Variants in GPC6 observed in about 807,000 individuals in gnomAD.
The protein encoded by GPC6 is glypican 6, also known as glypican-6.
A neutral mutation model predicts 55.2 loss-of-function variants in GPC6; 14 were observed. That is an observed-to-expected ratio of 0.25 (90% CI 0.17 to 0.40). The LOEUF (loss-of-function observed/expected upper bound fraction) is 0.40. Ranked by LOEUF, GPC6 falls within the 10% of genes least tolerant of loss-of-function variation. GPC6 has a pLI of 1.00. For synonymous variants in GPC6, 278 were observed against 259.6 expected, an observed-to-expected ratio of 1.07 and a Z score of -0.68; for missense variants, 641 against 708.5, an observed-to-expected ratio of 0.90 and a Z score of 1.08.
At chr13:93,435,798 C>T (rs73552683) in intron 1 of GPC6, among the ~76,000 whole-genome samples, 10 of 152,100 alleles carry the variant, frequency 6.6e-5, no homozygotes, top group East Asian at 1.9e-4. Context: ...GGATCAAATA[C>T]GGAAATTTTC....
chr13:94,374,706 C>T (rs9589981), intron 6 of GPC6, among the ~76,000 whole-genome samples: 6,128 of 148,660 alleles, frequency 0.041, 402 homozygotes, highest in African/African-American at 0.15. Context: ...CTGCACCAAG[C>T]GGACCTAATA....
intron 6 of GPC6, among the ~76,000 whole-genome samples, chr13:94,359,743 G>A (rs899475975): frequency 5.9e-5 from 9 of 152,064 alleles, no homozygotes; most frequent in South Asian, 4.2e-4. Context: ...AGCCCCTGGC[G>A]TTTGATCTTT....
chr13:93,402,620 A>G (rs1314438877), intron 1 of GPC6, among the ~76,000 whole-genome samples: 2 of 152,174 alleles, frequency 1.3e-5, no homozygotes, highest in Non-Finnish European at 2.9e-5. Context: ...GACAGTAGCC[A>G]TATGTGCCTT....
intron 2 of GPC6, among the ~76,000 whole-genome samples, chr13:93,567,751 A>G (rs1876205178): frequency 6.6e-6 from 1 of 152,212 alleles, no homozygotes; most frequent in African/African-American, 2.4e-5. Context: ...GTTAAATTTT[A>G]CCCTATTTAT....
At chr13:94,163,694 T>A (rs1342758033) in intron 4 of GPC6, among the ~76,000 whole-genome samples, 1 of 152,158 alleles carries the variant, frequency 6.6e-6, no homozygotes, top group African/African-American at 2.4e-5. Flanking sequence ...CTCTGCAAGG[T>A]CACTGAAGGG....
chr13:94,036,067 A>C (rs958486600), intron 4 of GPC6, among the ~76,000 whole-genome samples: 5 of 152,036 alleles, frequency 3.3e-5, no homozygotes, highest in African/African-American at 1.2e-4. Flanking sequence ...GACTTATTTT[A>C]GTGGTTAAAT....
At chr13:94,121,005 A>C (rs1189032403) in intron 4 of GPC6, among the ~76,000 whole-genome samples, 1 of 152,138 alleles carries the variant, frequency 6.6e-6, no homozygotes. Flanking sequence ...GGCAAGGCAC[A>C]TTCACAGAGG....
At chr13:93,734,936 A>C (rs1883945069) in intron 2 of GPC6, among the ~76,000 whole-genome samples, 1 of 152,186 alleles carries the variant, frequency 6.6e-6, no homozygotes, top group African/African-American at 2.4e-5. Flanking sequence ...ATTAACTCCA[A>C]TTCAAATTAC....
At chr13:93,273,038 A>G (rs1877591338) in intron 1 of GPC6, among the ~76,000 whole-genome samples, 1 of 152,318 alleles carries the variant, frequency 6.6e-6, no homozygotes, top group Admixed American at 6.5e-5. Flanking sequence ...TTCTCAACAA[A>G]AGCTGAAATG....
intron 3 of GPC6, among the ~76,000 whole-genome samples, chr13:93,865,767 G>T (rs1888947240): frequency 6.6e-6 from 1 of 151,688 alleles, no homozygotes; most frequent in Non-Finnish European, 1.5e-5. Context: ...TTCAAAGGCA[G>T]GAGTCCATTA....
chr13:93,487,064 C>T (rs1401925993), intron 1 of GPC6, among the ~76,000 whole-genome samples: 1 of 152,132 alleles, frequency 6.6e-6, no homozygotes, highest in Non-Finnish European at 1.5e-5. Context: ...TACAGCAGGG[C>T]TGATACCTCG....
At chr13:93,961,169 G>A (rs993464623) in intron 3 of GPC6, among the ~76,000 whole-genome samples, 9 of 152,136 alleles carry the variant, frequency 5.9e-5, no homozygotes, top group African/African-American at 2.2e-4. Context: ...ATCCTGTTGG[G>A]TGTCACTAGA....
At chr13:94,399,155 C>G (rs1156641442) in intron 8 of GPC6, among the ~76,000 whole-genome samples, 1 of 152,214 alleles carries the variant, frequency 6.6e-6, no homozygotes, top group Non-Finnish European at 1.5e-5. Context: ...GCTTCAGAGG[C>G]TTTTAGAAGC....
intron 3 of GPC6, among the ~76,000 whole-genome samples, chr13:93,985,386 G>A (rs924981089): frequency 1.3e-5 from 2 of 151,170 alleles, no homozygotes; most frequent in Non-Finnish European, 3.0e-5. Context: ...GCAGTGAGCC[G>A]AGATCACACC....
intron 2 of GPC6, among the ~76,000 whole-genome samples, chr13:93,620,299 G>A (rs1252707055): frequency 6.6e-6 from 1 of 152,120 alleles, no homozygotes; most frequent in Non-Finnish European, 1.5e-5. Flanking sequence ...TGAAACATAT[G>A]GCTAGCTCAT....
intron 1 of GPC6, among the ~76,000 whole-genome samples, chr13:93,321,133 A>G (rs1254286857): frequency 6.6e-6 from 1 of 152,174 alleles, no homozygotes; most frequent in Non-Finnish European, 1.5e-5. Flanking sequence ...ACTCTGTCTT[A>G]AGAAGCTGAA....
intron 1 of GPC6, among the ~76,000 whole-genome samples, chr13:93,474,393 A>G (rs1212200383): frequency 6.6e-6 from 1 of 152,066 alleles, no homozygotes; most frequent in African/African-American, 2.4e-5. Flanking sequence ...GTTTGTGGTT[A>G]CTTTCTCAAC....
intron 1 of GPC6, among the ~76,000 whole-genome samples, chr13:93,340,554 G>A (rs1208167902): frequency 6.6e-6 from 1 of 152,200 alleles, no homozygotes; most frequent in African/African-American, 2.4e-5. Context: ...GGAAGTGAGG[G>A]ATGGGATGAG....
At position 94,241,396 on chromosome 13, in the gene GPC6, A is replaced by G. The variant is rs12430017; in HGVS notation, c.878-44953A>G. ...AAATTGGATTGCATGGCTTTCTGGC[A>G]TACATTTTTGGTCTTAAGGAAGTCC... On this transcript the variant is annotated intron_variant, in intron 4 of 8. Transcript: ENST00000377047. 2.0e-5 allele frequency among the ~76,000 whole-genome samples: 3 copies of G among 152,110 alleles called. No individual in the cohort carries two copies. The East Asian group carries it at 5.8e-4, about 29-fold the overall frequency.
Sources: gnomAD v4.1 joint callset for allele counts (sites outside exome capture counted in the v4.1 genomes callset) on GRCh38, gnomAD v4.1.1 for gene constraint, MANE v1.5 for transcripts, NCBI Gene and HGNC (gene_info 2026-07-23, HGNC 2026-07-21) for gene names.